The following CACNA1B variants were observed in gnomAD, a reference collection of about 807,000 sequenced individuals.
CACNA1B encodes the protein calcium voltage-gated channel subunit alpha1 B, also known as voltage-dependent N-type calcium channel subunit alpha-1B.
Under a neutral mutation model 247.2 loss-of-function variants are expected in CACNA1B, and 70 were observed. The ratio of observed to expected loss-of-function variants is 0.28; its 90% CI spans 0.23 to 0.35. CACNA1B has a LOEUF of 0.35. Among genes scored for constraint, CACNA1B ranks in the 10% least tolerant of loss-of-function variants. The pLI is 1.00. For synonymous variants in CACNA1B, 1,231 were observed against 1,294.4 expected, an observed-to-expected ratio of 0.95 and a Z score of 1.05; for missense variants, 2,367 against 3,197.4, an observed-to-expected ratio of 0.74 and a Z score of 6.26.
At chr9:137,927,327 A>G (rs1002913007) in intron 6 of CACNA1B, among the ~76,000 whole-genome samples, 5 of 150,034 alleles carry the variant, frequency 3.3e-5, no homozygotes, top group Non-Finnish European at 7.4e-5. Context: ...GGTTCAAGTG[A>G]TTCTCCTGCC....
intron 39 of CACNA1B, among the ~76,000 whole-genome samples, chr9:138,110,391 G>A (rs1329367116): frequency 6.6e-6 from 1 of 151,978 alleles, no homozygotes. Flanking sequence ...CTGGAATTAC[G>A]GGAGTGAGCC....
Position 138,122,802 on chromosome 9 carries a change from G to T in CACNA1B, c.*803G>T, listed in dbSNP as rs1192761542. On this transcript the variant is annotated 3_prime_UTR_variant, in exon 47 of 47. Coordinates refer to ENST00000371372, the MANE Select transcript of CACNA1B (RefSeq NM_000718.4). ...GTGGACGTAGACGGCCCCTGGCTCT[G>T]CTGCTCTTGACCAAGTGCCTGACCG... 2 of 152,256 alleles carry T rather than the reference G, an allele frequency of 1.3e-5. No individual in the cohort carries two copies. The highest frequency in any genetic ancestry group is 2.9e-5 in the Non-Finnish European group (2 of 68,062). The allele number at this position is 152,256 out of a possible 1,614,324, so 9.4% of individuals were successfully genotyped here.
chr9:137,916,711 G>T (rs1314819916), intron 5 of CACNA1B, among the ~76,000 whole-genome samples: 1 of 151,910 alleles, frequency 6.6e-6, no homozygotes, highest in Non-Finnish European at 1.5e-5. Context: ...CTGTGAGGGA[G>T]AGGTACAGTC....
intron 32 of CACNA1B, 80 bp downstream of exon 32, chr9:138,069,843 G>C: frequency 7.8e-7 from 1 of 1,289,798 alleles, no homozygotes; most frequent in South Asian, 1.2e-5. Context: ...TGGTTCCTGG[G>C]ACTCCAGCCC....
At chr9:138,003,268 G>C (rs1479344063) in intron 15 of CACNA1B, among the ~76,000 whole-genome samples, 1 of 151,122 alleles carries the variant, frequency 6.6e-6, no homozygotes, top group Non-Finnish European at 1.5e-5. Context: ...CACACAACTG[G>C]CTCAAGTGAT....
chr9:138,039,928 A>C (rs1178222568), intron 20 of CACNA1B, among the ~76,000 whole-genome samples: 1 of 152,064 alleles, frequency 6.6e-6, no homozygotes, highest in Non-Finnish European at 1.5e-5. Context: ...ATCTGTCAAT[A>C]ATTTTGTTTT....
intron 19 of CACNA1B, among the ~76,000 whole-genome samples, 163 bp from the exon 20 acceptor site, chr9:138,024,792 G>T (rs1415218149): frequency 6.6e-6 from 1 of 152,070 alleles, no homozygotes; most frequent in Non-Finnish European, 1.5e-5. Context: ...GTGTCACCAC[G>T]CCCAGCTAAT....
In CACNA1B at chr9:138,096,534, G is replaced by A. The variant is rs1230477201; in HGVS notation, c.5145G>A (p.Thr1715=). The A allele has an allele frequency of 2.7e-5, 43 of 1,612,658 alleles. No individual in the cohort carries two copies. The highest frequency in any genetic ancestry group is 3.3e-5 in the Non-Finnish European group (39 of 1,179,066). Residue 1715 remains threonine, a synonymous_variant, in exon 37 of 47, where the codon ACG becomes ACA. Coordinates refer to ENST00000371372, the MANE Select transcript of CACNA1B (RefSeq NM_000718.4). ...TCATGGACAATTTTGAGTACCTCAC[G>A]CGGGACTCTTCCATCCTAGGTCCTC... ...AVIMDNFEYL[T]RDSSILGPHH... is the part of the protein sequence containing the mutation.
At chr9:137,883,426 C>T (rs1212563138) in intron 3 of CACNA1B, among the ~76,000 whole-genome samples, 2 of 152,178 alleles carry the variant, frequency 1.3e-5, no homozygotes, top group Non-Finnish European at 2.9e-5. Flanking sequence ...GAAGGTGCTT[C>T]GGCAGTTTCT....
rs58608297 is a variant in CACNA1B at position 138,093,403 on chromosome 9, CAAAAA to C, written c.5095-3060_5095-3056del. 1.4e-4 allele frequency among the ~76,000 whole-genome samples: 6 copies of C among 43,254 alleles called. No individual in the cohort carries two copies. In the East Asian group the frequency reaches 1.6e-3, roughly 12 times the overall value. 28.4% of individuals were successfully genotyped at this position (43,254 alleles called of 152,430 possible). On this transcript the variant is annotated intron_variant, in intron 36 of 46. Transcript: ENST00000371372. ...TGGGCTACAGAGTGAGACTCTGTCT[CAAAAA>C]AAAAAAAAAAAAAAAAAAAAGAAGA...
Position 137,976,022 on chromosome 9 carries a change from G to A in CACNA1B, c.1656+3G>A. 1 of 1,568,310 alleles carries A rather than the reference G, an allele frequency of 6.4e-7. No homozygotes were observed. Among genetic ancestry groups the A allele is most frequent in the Non-Finnish European group, 8.8e-7 (1 of 1,138,630 alleles). The stretch of plus-strand genomic sequence containing the variant: ...CCTTCAACTGCTTCGACTTTGGGGT[G>A]AGTGAGAGGCCTGATCAGGGGCCCA... On this transcript the variant is annotated splice_donor_region_variant and intron_variant, in intron 12 of 46. Transcript: ENST00000371372.
intron 6 of CACNA1B, among the ~76,000 whole-genome samples, chr9:137,927,614 T>C (rs1300714676): frequency 1.3e-5 from 2 of 152,230 alleles, no homozygotes; most frequent in Admixed American, 6.5e-5. Context: ...TCTATGTGCG[T>C]AGCCTTATGG....
At chr9:138,091,431 A>G (rs1418288770) in intron 36 of CACNA1B, among the ~76,000 whole-genome samples, 2 of 152,242 alleles carry the variant, frequency 1.3e-5, no homozygotes, top group Non-Finnish European at 2.9e-5. Flanking sequence ...AACGGATACA[A>G]AAGTACAGCT....
At position 138,073,985 on chromosome 9, in the gene CACNA1B, G is replaced by A; in HGVS notation, c.4792-16G>A. The stretch of plus-strand genomic sequence containing the variant: ...GCTGGGAGGTGCCTGTAGCTGACCG[G>A]CCCCTGTCTCCGCAGGCCCTGCCCT... On this transcript the variant is annotated splice_polypyrimidine_tract_variant and intron_variant, in intron 33 of 46. Coordinates refer to ENST00000371372, the MANE Select transcript of CACNA1B (RefSeq NM_000718.4). The surrounding 1 kb of genome is among the most constrained non-coding windows in gnomAD (Gnocchi z 6.4). 1.2e-6 allele frequency: 2 copies of A among 1,608,612 alleles called. No individual in the cohort carries two copies. The highest frequency in any genetic ancestry group is 1.7e-6 in the Non-Finnish European group (2 of 1,178,424).
At position 137,921,512 on chromosome 9, in the gene CACNA1B, GCGTT is replaced by G. The variant is rs550277451; in HGVS notation, c.966+4084_966+4087del. On this transcript the variant is annotated intron_variant, in intron 6 of 46. Transcript: ENST00000371372. Reference sequence around the variant, plus strand: ...CGCAGCATCCTGGGAGCAGAGTAAAGCGTTCGGAGAACACCATCAGCACCGTGAC... The same window carrying G: ...CGCAGCATCCTGGGAGCAGAGTAAAGCGGAGAACACCATCAGCACCGTGAC... Among the ~76,000 whole-genome samples the G allele has an allele frequency of 4.7e-5, 7 of 149,752 alleles. 1 individual carries two copies. The East Asian group carries it at 1.4e-3, about 30-fold the overall frequency.
rs1390638475 is a variant in CACNA1B, at chr9:138,072,422, C to T, written c.4675-1066C>T. Among the ~76,000 whole-genome samples the T allele has an allele frequency of 3.3e-5, 5 of 152,356 alleles. No individual in the cohort carries two copies. Among genetic ancestry groups the T allele is most frequent in the South Asian group, 4.1e-4 (2 of 4,830 alleles). Reference sequence around the variant, plus strand: ...TCGGGATGCTCTGCCAGGCCCTCACCGCCTCTGCGCCTGCACGTGCTCCTG... The same window carrying T: ...TCGGGATGCTCTGCCAGGCCCTCACTGCCTCTGCGCCTGCACGTGCTCCTG... On this transcript the variant is annotated intron_variant, in intron 32 of 46. Transcript: ENST00000371372. The surrounding 1 kb of genome is among the most constrained non-coding windows in gnomAD (Gnocchi z 4.5).
chr9:137,884,964 C>G (rs925026526), intron 3 of CACNA1B, among the ~76,000 whole-genome samples: 6 of 109,032 alleles, frequency 5.5e-5, no homozygotes, highest in South Asian at 6.9e-4. Context: ...TCTTCCCCCC[C>G]CCCCTCCTCC....
chr9:138,117,861 G>C (rs565983278), intron 42 of CACNA1B, 85 bp from the exon 43 acceptor site: 3 of 1,091,084 alleles, frequency 2.7e-6, no homozygotes, highest in Admixed American at 2.6e-5. Flanking sequence ...TGTTGGAGAC[G>C]CCTGGCAGGT....
intron 6 of CACNA1B, among the ~76,000 whole-genome samples, chr9:137,932,841 G>A (rs556311473): frequency 1.8e-4 from 27 of 152,314 alleles, no homozygotes; most frequent in African/African-American, 6.0e-4. Context: ...TTGGGTAACT[G>A]TATAGCTTAC....
Sources: gnomAD v4.1 joint callset for allele counts (sites outside exome capture counted in the v4.1 genomes callset) on GRCh38, gnomAD v4.1.1 for gene constraint, Gnocchi (gnomAD v3.1) non-coding constraint, MANE v1.5 for transcripts, NCBI Gene and HGNC (gene_info 2026-07-23, HGNC 2026-07-21) for gene names.